PCDH15: variants seen among roughly 807,000 people sequenced by gnomAD.
PCDH15 encodes the protein protocadherin related 15, also known as protocadherin-15.
In PCDH15, 129 loss-of-function variants were observed where a neutral mutation model predicts 178.5. That is an observed-to-expected ratio of 0.72 (90% CI 0.63 to 0.84). The LOEUF is 0.84. PCDH15 is among the 40% of genes least tolerant of loss of function. The pLI is 0.00. For missense variants in PCDH15, 2,230 were observed against 2,099.9 expected, an observed-to-expected ratio of 1.06 and a Z score of -1.21; for synonymous variants, 800 against 732.0, an observed-to-expected ratio of 1.09 and a Z score of -1.50.
intron 14 of PCDH15, among the ~76,000 whole-genome samples, chr10:54,150,233 C>T (rs2044386393): frequency 6.6e-6 from 1 of 151,882 alleles, no homozygotes; most frequent in African/African-American, 2.4e-5. Context: ...ACACGAGATT[C>T]AAAGGAAAAC....
At chr10:54,738,244 T>G (rs1326231210) in intron 1 of PCDH15, among the ~76,000 whole-genome samples, 1 of 152,060 alleles carries the variant, frequency 6.6e-6, no homozygotes, top group Non-Finnish European at 1.5e-5. Flanking sequence ...TGATTTAGGT[T>G]TATAAAAGGA....
At chr10:54,564,919 CTCA>C (rs563565151) in intron 2 of PCDH15, among the ~76,000 whole-genome samples, 2 of 151,882 alleles carry the variant, frequency 1.3e-5, no homozygotes, top group Non-Finnish European at 2.9e-5. Flanking sequence ...ATAAAAATAC[CTCA>C]TTCTTGGAAA....
intron 1 of PCDH15, among the ~76,000 whole-genome samples, chr10:55,188,650 A>G (rs749920855): frequency 4.7e-4 from 72 of 152,066 alleles, no homozygotes; most frequent in South Asian, 1.4e-3. Flanking sequence ...AGTTGCCATA[A>G]GACAATTTCC....
chr10:53,903,382 G>C lies in PCDH15; in HGVS notation c.3374-12C>G. 3 of 1,611,756 alleles carry C rather than the reference G, an allele frequency of 1.9e-6. No individual in the cohort carries two copies. Among genetic ancestry groups the C allele is most frequent in the Non-Finnish European group, 2.5e-6 (3 of 1,178,944 alleles). ...TTTAGCTGTATTGCCTGGAGGACAA[G>C]AAACGATGCATTTTTTATTGGTGGT... On this transcript the variant is annotated splice_polypyrimidine_tract_variant and intron_variant, in intron 25 of 37. Coordinates refer to ENST00000644397, the MANE Select transcript of PCDH15 (RefSeq NM_001384140.1).
At chr10:54,131,630 A>T (rs1461527427) in intron 15 of PCDH15, among the ~76,000 whole-genome samples, 1 of 152,198 alleles carries the variant, frequency 6.6e-6, no homozygotes, top group African/African-American at 2.4e-5. Flanking sequence ...TTCTCTAAGT[A>T]CCTGGAGAAA....
At chr10:55,614,810 G>C (rs2132163672) in intron 2 of PCDH15, among the ~76,000 whole-genome samples, 1 of 152,146 alleles carries the variant, frequency 6.6e-6, no homozygotes, top group African/African-American at 2.4e-5. Flanking sequence ...TAGTATACCA[G>C]TCATTCATAT....
chr10:54,618,698 G>A (rs7099464), intron 2 of PCDH15, among the ~76,000 whole-genome samples: 5,754 of 152,100 alleles, frequency 0.038, 338 homozygotes, highest in African/African-American at 0.13. Flanking sequence ...GTGGGCACCA[G>A]TGGAGCAATA....
chr10:54,003,919 C>T (rs1398328359), intron 20 of PCDH15, among the ~76,000 whole-genome samples: 4 of 151,766 alleles, frequency 2.6e-5, no homozygotes, highest in Admixed American at 6.6e-5. Flanking sequence ...AATTCAACAT[C>T]GTATTTAAAA....
intron 8 of PCDH15, among the ~76,000 whole-genome samples, chr10:54,303,016 A>G (rs2060237453): frequency 1.3e-5 from 2 of 152,128 alleles, no homozygotes; most frequent in South Asian, 4.1e-4. Context: ...GCTCAATTCC[A>G]TCTGGATAAT....
intron 2 of PCDH15, among the ~76,000 whole-genome samples, chr10:54,912,415 G>T (rs1261674547): frequency 5.3e-5 from 8 of 152,048 alleles, no homozygotes; most frequent in Admixed American, 5.2e-4. Context: ...TATACCAGCT[G>T]CTTGTTTAAA....
At chr10:54,461,542 G>A (rs911104926) in intron 3 of PCDH15, among the ~76,000 whole-genome samples, 1 of 152,034 alleles carries the variant, frequency 6.6e-6, no homozygotes, top group African/African-American at 2.4e-5. Context: ...CTGCCTATAG[G>A]TCTTTATAAG....
intron 18 of PCDH15, among the ~76,000 whole-genome samples, chr10:54,048,921 T>C (rs2093710293): frequency 6.6e-6 from 1 of 151,588 alleles, no homozygotes; most frequent in African/African-American, 2.4e-5. Context: ...TACTGGTAGT[T>C]TGATAGGAGT....
chr10:54,888,228 A>G (rs60474550), intron 3 of PCDH15, among the ~76,000 whole-genome samples: 7,790 of 151,918 alleles, frequency 0.051, 261 homozygotes, highest in South Asian at 0.11. Flanking sequence ...ACATTCACTA[A>G]TCTCCTTTCT....
chr10:55,204,967 A>G (rs976093764), intron 1 of PCDH15, among the ~76,000 whole-genome samples: 2 of 152,204 alleles, frequency 1.3e-5, no homozygotes, highest in South Asian at 4.1e-4. Context: ...TATAATGCCA[A>G]CAGATTTTTC....
At position 54,986,474 on chromosome 10, in the gene PCDH15, T is replaced by A. The variant is rs1409418951; in HGVS notation, c.-79-88974A>T. On this transcript the variant is annotated intron_variant, in intron 2 of 5. Coordinates refer to the PCDH15 transcript ENST00000458638. ...TTCCCACTAGACATAACTCTGAAAATTCAAAATAAATCTGTATTTGAATTA... is the reference window on the plus strand; with the variant it reads ...TTCCCACTAGACATAACTCTGAAAAATCAAAATAAATCTGTATTTGAATTA... Among the ~76,000 whole-genome samples the A allele has an allele frequency of 2.0e-5, 3 of 152,310 alleles. No individual in the cohort carries two copies. The East Asian group carries it at 5.8e-4, about 29-fold the overall frequency.
At chr10:54,932,446 A>C (rs1837802954) in intron 2 of PCDH15, among the ~76,000 whole-genome samples, 1 of 152,240 alleles carries the variant, frequency 6.6e-6, no homozygotes, top group South Asian at 2.1e-4. Context: ...AAGATTAAAA[A>C]ATGTTAAAAA....
intron 26 of PCDH15, among the ~76,000 whole-genome samples, chr10:53,879,370 T>C (rs779470058): frequency 6.6e-6 from 1 of 152,178 alleles, no homozygotes; most frequent in Non-Finnish European, 1.5e-5. Flanking sequence ...ATATTTATAA[T>C]GATACAGATA....
intron 2 of PCDH15, among the ~76,000 whole-genome samples, chr10:54,566,425 T>C (rs907190598): frequency 6.6e-5 from 10 of 152,144 alleles, no homozygotes; most frequent in Non-Finnish European, 1.0e-4. Flanking sequence ...TAATGAGATG[T>C]TTCTATCATT....
intron 2 of PCDH15, among the ~76,000 whole-genome samples, chr10:55,449,149 G>C (rs913738994): frequency 6.6e-6 from 1 of 151,946 alleles, no homozygotes; most frequent in East Asian, 1.9e-4. Context: ...TTTAAGTATA[G>C]AGACAATCTC....
Sources: allele counts gnomAD v4.1 joint callset (sites outside exome capture counted in the v4.1 genomes callset), GRCh38; gene constraint gnomAD v4.1.1; transcripts MANE v1.5; gene names NCBI Gene and HGNC (gene_info 2026-07-23, HGNC 2026-07-21).